LGMN: variants seen among roughly 807,000 people sequenced by gnomAD.
LGMN encodes legumain, also known as asparaginyl endopeptidase.
Under a neutral mutation model 56.8 loss-of-function variants are expected in LGMN, and 36 were observed. The ratio of observed to expected loss-of-function variants is 0.63; its 90% CI spans 0.49 to 0.84. The LOEUF (loss-of-function observed/expected upper bound fraction) is 0.84, where lower values mean the gene tolerates loss of function less well. Among genes scored for constraint, LGMN ranks in the 40% least tolerant of loss-of-function variants. The pLI is 0.00. For synonymous variants in LGMN, 199 were observed against 210.1 expected (o/e 0.95, Z 0.46); for missense variants, 446 against 556.1 (o/e 0.80, Z 1.99).
intron 2 of LGMN, among the ~76,000 whole-genome samples, chr14:92,719,251 ACCACCACCGCCACCG>A (rs1566924138): frequency 0.43 from 21,075 of 49,440 alleles, 3,223 homozygotes; most frequent in Non-Finnish European, 0.46. Flanking sequence ...CACCGCCACC[ACCACCACCGCCACCG>A]CCGCCGCCGC....
chr14:92,717,381 T>C lies in LGMN; in HGVS notation c.317A>G (p.Glu106Gly). ...GCTCCAACCGTAGAAGCCACTCACC[T>C]CTCCAGTGTAGTCCTTCGGGACTCC... ...YQGVPKDYTG[E>G]DVTPQNFLAV... The change falls in exon 4 of 14, where the codon GAG becomes GGG. Residue 106 changes from glutamate to glycine, a missense_variant and splice_region_variant. Coordinates refer to ENST00000334869, the MANE Select transcript of LGMN (RefSeq NM_005606.7). The C allele has an allele frequency of 6.3e-7, 1 of 1,581,214 alleles. No individual in the cohort carries two copies.
chr14:92,745,827 T>C (rs1460232946), intron 1 of LGMN, among the ~76,000 whole-genome samples: 1 of 148,532 alleles, frequency 6.7e-6, no homozygotes, highest in African/African-American at 2.5e-5. Context: ...GAATCTCATT[T>C]TCTTTTTTTT....
Position 92,711,821 on chromosome 14 carries a change from C to T in LGMN, c.729+16G>A, listed in dbSNP as rs200654289. 72 of 1,608,296 alleles carry T rather than the reference C, an allele frequency of 4.5e-5. No homozygotes were observed. The African/African-American group carries it at 7.7e-4, about 17-fold the overall frequency. On this transcript the variant is annotated intron_variant, in intron 9 of 13. Transcript: ENST00000334869. ...GGTTAAACCCCAGCTGAACAGCCAG[C>T]CCCCAAAGGGCTCACCACGTCCGAA...
intron 3 of LGMN, among the ~76,000 whole-genome samples, chr14:92,717,843 AG>A (rs1566922506): frequency 6.6e-6 from 1 of 152,234 alleles, no homozygotes; most frequent in Non-Finnish European, 1.5e-5. Flanking sequence ...ACAAGAGCTT[AG>A]GCGTTAAAGC....
chr14:92,746,432 T>C (rs759741729), intron 1 of LGMN, among the ~76,000 whole-genome samples: 15 of 151,898 alleles, frequency 9.9e-5, no homozygotes, highest in Non-Finnish European at 2.2e-4. Context: ...AGAGACAGAG[T>C]TTACTTCTAC....
chr14:92,709,948 G>C, intron 10 of LGMN, 76 bp from the exon 11 acceptor site: 14 of 1,241,802 alleles, frequency 1.1e-5, no homozygotes, highest in Non-Finnish European at 1.5e-5. Context: ...GAGAGGGAGA[G>C]AGAGAGCTGG....
chr14:92,707,120 G>A (rs764157796), intron 11 of LGMN, among the ~76,000 whole-genome samples: 1 of 152,120 alleles, frequency 6.6e-6, no homozygotes, highest in Non-Finnish European at 1.5e-5. Context: ...GCCAGGCACA[G>A]TGGCTCAGGC....
At position 92,714,913 on chromosome 14, in the gene LGMN, C is replaced by T. The variant is rs1019544555; in HGVS notation, c.405-462G>A. ...CCTCACCAGGGCTTCCACCAGATGG[C>T]GCTGCTTCAAAGTGGCAGAGATGTA... On this transcript the variant is annotated intron_variant, in intron 5 of 13. Coordinates refer to ENST00000334869, the MANE Select transcript of LGMN (RefSeq NM_005606.7). This position sits in a 1 kb window ranked among gnomAD's most constrained non-coding sequence, Gnocchi z 5.1. 6.6e-6 allele frequency among the ~76,000 whole-genome samples: 1 copy of T among 152,070 alleles called. No individual in the cohort carries two copies. The highest frequency in any genetic ancestry group is 2.4e-5 in the African/African-American group (1 of 41,410).
intron 2 of LGMN, among the ~76,000 whole-genome samples, chr14:92,731,234 C>G (rs1891035437): frequency 6.6e-6 from 1 of 152,174 alleles, no homozygotes; most frequent in Non-Finnish European, 1.5e-5. Context: ...TATATAGATA[C>G]TGCAAGTCTA....
intron 1 of LGMN, chr14:92,742,866 G>C (rs528216291): frequency 6.6e-6 from 1 of 151,894 alleles, no homozygotes; most frequent in Non-Finnish European, 1.5e-5. Flanking sequence ...GCAACATAGG[G>C]AGACTCTGTC....
intron 10 of LGMN, among the ~76,000 whole-genome samples, chr14:92,710,632 C>G (rs1278450949): frequency 2.0e-5 from 3 of 152,228 alleles, no homozygotes; most frequent in African/African-American, 4.8e-5. Flanking sequence ...ACACACCAAT[C>G]TATATAAAAA....
chr14:92,733,182 G>A (rs2140264576), intron 1 of LGMN, among the ~76,000 whole-genome samples: 1 of 148,944 alleles, frequency 6.7e-6, no homozygotes, highest in East Asian at 2.0e-4. Flanking sequence ...GATAAACATT[G>A]TCAGCCCCTA....
At chr14:92,726,440 T>C (rs1364109244) in intron 2 of LGMN, among the ~76,000 whole-genome samples, 1 of 151,900 alleles carries the variant, frequency 6.6e-6, no homozygotes, top group Non-Finnish European at 1.5e-5. Flanking sequence ...TGGCCCTTTA[T>C]AGAAAAAAAC....
chr14:92,712,011 G>A (rs1204339578), intron 8 of LGMN, 56 bp from the exon 9 acceptor site: 24 of 1,312,956 alleles, frequency 1.8e-5, no homozygotes, highest in Admixed American at 1.0e-4. Flanking sequence ...CTTGGATTAC[G>A]CTTGAAGCTT....
intron 1 of LGMN, among the ~76,000 whole-genome samples, chr14:92,735,514 T>C (rs887354577): frequency 6.6e-6 from 1 of 152,150 alleles, no homozygotes; most frequent in Admixed American, 6.6e-5. Context: ...GCCATGAGAC[T>C]GCATTTCTAA....
intron 2 of LGMN, among the ~76,000 whole-genome samples, chr14:92,729,474 C>CCCCCG (rs1555399709): frequency 1.4e-5 from 1 of 71,190 alleles, no homozygotes; most frequent in African/African-American, 5.0e-5. Context: ...CACGCCCCCC[C>CCCCCG]CCCCCGCCCC....
chr14:92,708,019 C>T (rs968317115), intron 11 of LGMN, among the ~76,000 whole-genome samples: 1 of 151,906 alleles, frequency 6.6e-6, no homozygotes, highest in Non-Finnish European at 1.5e-5. Context: ...GGCGTGGTGA[C>T]GGGTGCCTGT....
chr14:92,732,765 A>ATACAGC lies in LGMN; in HGVS notation c.16_21dup (p.Ala6_Val7dup). 6.2e-7 allele frequency: 1 copy of ATACAGC among 1,614,064 alleles called. No individual in the cohort carries two copies. Among genetic ancestry groups the ATACAGC allele is most frequent in the Non-Finnish European group, 8.5e-7 (1 of 1,179,996 alleles). Reference sequence around the variant, plus strand: ...CCAATGCCCAGGGCCACACTGAGGAATACAGCTACTTTCCAAACCATTCTG... The same window carrying ATACAGC: ...CCAATGCCCAGGGCCACACTGAGGAATACAGCTACAGCTACTTTCCAAACCATTCTG... On this transcript the variant is annotated inframe_insertion, in exon 2 of 14. Coordinates refer to ENST00000334869, the MANE Select transcript of LGMN (RefSeq NM_005606.7).
chr14:92,712,804 C>T lies in LGMN; in HGVS notation c.610+1G>A, dbSNP rs1889854222. Reference sequence around the variant, plus strand: ...TCGAGGCCGGCGCCCCAACCACCTACCATTGATGTTATCCGGCAGGTGGTT... The same window carrying T: ...TCGAGGCCGGCGCCCCAACCACCTATCATTGATGTTATCCGGCAGGTGGTT... On this transcript the variant is annotated splice_donor_variant, in intron 8 of 13. Coordinates refer to ENST00000334869, the MANE Select transcript of LGMN (RefSeq NM_005606.7). LOFTEE classifies it high-confidence loss of function. 1 of 1,613,600 alleles carries T rather than the reference C, an allele frequency of 6.2e-7. No individual in the cohort carries two copies. Among genetic ancestry groups the T allele is most frequent in the African/African-American group, 1.3e-5 (1 of 74,916 alleles).
Sources: allele counts gnomAD v4.1 joint callset (sites outside exome capture counted in the v4.1 genomes callset), GRCh38; gene constraint gnomAD v4.1.1; non-coding constraint Gnocchi (gnomAD v3.1); transcripts MANE v1.5; gene names NCBI Gene and HGNC (gene_info 2026-07-23, HGNC 2026-07-21).